The following MS4A4A variants were observed in gnomAD, a reference collection of about 807,000 sequenced individuals.
MS4A4A encodes the protein membrane spanning 4-domains A4A.
A neutral mutation model predicts 28.0 loss-of-function variants in MS4A4A; 26 were observed. The ratio of observed to expected loss-of-function variants is 0.93; its 90% CI spans 0.68 to 1.29. The LOEUF (loss-of-function observed/expected upper bound fraction) is 1.29. Among genes scored for constraint, MS4A4A ranks in the 50% most tolerant of loss-of-function variants. The pLI is 0.00. For missense variants in MS4A4A, 290 were observed against 293.1 expected (o/e 0.99, Z 0.08); for synonymous variants, 86 against 100.8 (o/e 0.85, Z 0.88).
intron 1 of MS4A4A, among the ~76,000 whole-genome samples, chr11:60,290,730 T>C (rs1453268434): frequency 6.6e-6 from 1 of 152,088 alleles, no homozygotes; most frequent in Non-Finnish European, 1.5e-5. Context: ...TCTTTTCATT[T>C]TAACGTTTCT....
At chr11:60,299,448 C>CTTTTTTTTTTTTTTTT (rs5792179) in intron 3 of MS4A4A, among the ~76,000 whole-genome samples, 28 of 113,082 alleles carry the variant, frequency 2.5e-4, no homozygotes, top group Admixed American at 4.0e-4. Context: ...AATTACAATT[C>CTTTTTTTTTTTTTTTT]TTTTTTTTTT....
intron 2 of MS4A4A, 70 bp downstream of exon 2, chr11:60,292,454 A>G: frequency 7.0e-7 from 1 of 1,432,876 alleles, no homozygotes. Context: ...AATGCCAAAT[A>G]CACTGTCCCA....
At chr11:60,284,447 C>T (rs565894188) in intron 1 of MS4A4A, among the ~76,000 whole-genome samples, 44 of 152,230 alleles carry the variant, frequency 2.9e-4, no homozygotes, top group South Asian at 2.1e-3. Context: ...CAACCTTCTC[C>T]GGTCTTGGGG....
chr11:60,283,834 G>A (rs1336790901), intron 1 of MS4A4A, among the ~76,000 whole-genome samples: 1 of 152,206 alleles, frequency 6.6e-6, no homozygotes, highest in African/African-American at 2.4e-5. Context: ...AAGTGCTAAA[G>A]TGTATATATA....
At chr11:60,305,458 C>T (rs2084990677) in intron 5 of MS4A4A, among the ~76,000 whole-genome samples, 2 of 152,184 alleles carry the variant, frequency 1.3e-5, no homozygotes, top group African/African-American at 4.8e-5. Flanking sequence ...GCCTATGTTG[C>T]TTGGTTTGTC....
At chr11:60,303,499 G>A (rs2084971097) in intron 5 of MS4A4A, among the ~76,000 whole-genome samples, 1 of 152,166 alleles carries the variant, frequency 6.6e-6, no homozygotes, top group Non-Finnish European at 1.5e-5. Flanking sequence ...CCTGAGGTCA[G>A]GAGTTCAAGA....
At chr11:60,292,454 A>ACAACAGCC in intron 2 of MS4A4A, 70 bp downstream of exon 2, 1 of 1,432,876 alleles carries the variant, frequency 7.0e-7, no homozygotes, top group Non-Finnish European at 9.3e-7. Flanking sequence ...AATGCCAAAT[A>ACAACAGCC]CACTGTCCCA....
chr11:60,296,259 A>G (rs754484407), intron 2 of MS4A4A, among the ~76,000 whole-genome samples: 1 of 152,042 alleles, frequency 6.6e-6, no homozygotes, highest in Non-Finnish European at 1.5e-5. Context: ...TGGGCGTAGA[A>G]TTGTTCATAA....
rs2085032947 is a variant in MS4A4A, at chr11:60,308,934, TTTA to T, written c.*759_*761del. ...ATGGTATTTGTTAAATACGTTTGTT[TTTA>T]TTGCAGAGCAAAAATAAATCAAATT... On this transcript the variant is annotated 3_prime_UTR_variant, in exon 7 of 7. Transcript: ENST00000337908. The T allele has an allele frequency of 6.6e-6, 1 of 152,248 alleles. No individual in the cohort carries two copies. Among genetic ancestry groups the T allele is most frequent in the Non-Finnish European group, 1.5e-5 (1 of 68,048 alleles). The allele number at this position is 152,248 out of a possible 1,614,324, so 9.4% of individuals were successfully genotyped here. A position where few individuals can be genotyped will look rare whatever the true frequency, so the allele number is the denominator to read the frequency against.
chr11:60,285,547 C>G (rs1284368496), intron 1 of MS4A4A, among the ~76,000 whole-genome samples: 5 of 152,090 alleles, frequency 3.3e-5, no homozygotes, highest in Admixed American at 3.3e-4. Context: ...TCTATTTTCC[C>G]TAAGTGTCAG....
chr11:60,285,604 C>T (rs2084796688), intron 1 of MS4A4A, among the ~76,000 whole-genome samples: 1 of 152,160 alleles, frequency 6.6e-6, no homozygotes, highest in South Asian at 2.1e-4. Flanking sequence ...AGAAATTTTA[C>T]AGCTAGGCCT....
intron 1 of MS4A4A, among the ~76,000 whole-genome samples, chr11:60,285,007 C>A (rs552341081): frequency 6.6e-6 from 1 of 152,128 alleles, no homozygotes; most frequent in Non-Finnish European, 1.5e-5. Flanking sequence ...AGAAGATATT[C>A]GGCCTTCCTC....
rs542521801 is a variant in MS4A4A at position 60,294,759 on chromosome 11, G to A, written c.201+2375G>A. 4.0e-5 allele frequency among the ~76,000 whole-genome samples: 6 copies of A among 151,212 alleles called. No homozygotes were observed. The South Asian group carries it at 1.3e-3, about 32-fold the overall frequency. On this transcript the variant is annotated intron_variant, in intron 2 of 6. Coordinates refer to ENST00000337908, the MANE Select transcript of MS4A4A (RefSeq NM_148975.3). The stretch of plus-strand genomic sequence containing the variant: ...TACCAAAGATCACTTGACTATATTT[G>A]TGTGGCTCTCTCCAGGCTTTCTACT...
chr11:60,304,798 G>GA (rs1379430858), intron 5 of MS4A4A, among the ~76,000 whole-genome samples: 1 of 152,218 alleles, frequency 6.6e-6, no homozygotes, highest in Non-Finnish European at 1.5e-5. Context: ...GGCCTTTACA[G>GA]AAAGCTTGCC....
intron 1 of MS4A4A, among the ~76,000 whole-genome samples, chr11:60,285,644 CCG>C (rs2084797308): frequency 6.6e-6 from 1 of 152,122 alleles, no homozygotes; most frequent in African/African-American, 2.4e-5. Flanking sequence ...TCAGCAGGCA[CCG>C]TGATGCCCCC....
chr11:60,280,858 T>G (rs1033881701), intron 1 of MS4A4A, 142 bp downstream of exon 1: 1 of 921,582 alleles, frequency 1.1e-6, no homozygotes. Context: ...TTGGGGTGGG[T>G]TGAGTGCACC....
In MS4A4A at chr11:60,302,731, C is replaced by G; in HGVS notation, c.546+14C>G. The G allele has an allele frequency of 6.2e-7, 1 of 1,610,350 alleles. No homozygotes were observed. Among genetic ancestry groups the G allele is most frequent in the Non-Finnish European group, 8.5e-7 (1 of 1,177,128 alleles). On this transcript the variant is annotated intron_variant, in intron 5 of 6. Transcript: ENST00000337908. ...TCCATCTTAATGGTTGGTACTGCCT[C>G]TTTTCAGGGGATATTATTATAGAAG... is the stretch of plus-strand genomic sequence containing the variant.
At chr11:60,280,773 T>C (rs2084748775) in intron 1 of MS4A4A, 57 bp downstream of exon 1, 3 of 1,597,824 alleles carry the variant, frequency 1.9e-6, no homozygotes, top group Admixed American at 1.7e-5. Context: ...TTTCACTTCC[T>C]GGGTTAAGAA....
At chr11:60,287,380 A>G (rs2084812293) in intron 1 of MS4A4A, among the ~76,000 whole-genome samples, 1 of 152,166 alleles carries the variant, frequency 6.6e-6, no homozygotes, top group Non-Finnish European at 1.5e-5. Context: ...TTCTTTTTTC[A>G]GGAGTCCACT....
Sources: gnomAD v4.1 joint callset for allele counts (sites outside exome capture counted in the v4.1 genomes callset) on GRCh38, gnomAD v4.1.1 for gene constraint, MANE v1.5 for transcripts, NCBI Gene and HGNC (gene_info 2026-07-23, HGNC 2026-07-21) for gene names.